The following PABPC4L variants were observed in gnomAD, a reference collection of about 807,000 sequenced individuals.
The protein encoded by PABPC4L is polyadenylate-binding protein 4-like.
For missense variants in PABPC4L, 452 were observed against 451.4 expected, an observed-to-expected ratio of 1.00 and a Z score of -0.01; for synonymous variants, 169 against 164.1, an observed-to-expected ratio of 1.03 and a Z score of -0.23.
chr4:133,985,949 G>A, the PABPC4L span, among the ~76,000 whole-genome samples: 1 of 152,036 alleles, frequency 6.6e-6, no homozygotes, highest in African/African-American at 2.4e-5. Flanking sequence ...GTCAAGCTCA[G>A]TAAAAATTAT....
At chr4:134,111,172 C>A in the PABPC4L span, among the ~76,000 whole-genome samples, 1 of 151,976 alleles carries the variant, frequency 6.6e-6, no homozygotes, top group Non-Finnish European at 1.5e-5. Context: ...AATACTGTGT[C>A]TTCACAAGGC....
chr4:133,981,807 A>C, the PABPC4L span, among the ~76,000 whole-genome samples: 1 of 152,148 alleles, frequency 6.6e-6, no homozygotes, highest in African/African-American at 2.4e-5. Flanking sequence ...GGAACTCTTT[A>C]TTAGTTTCAT....
chr4:134,012,913 C>T, the PABPC4L span, among the ~76,000 whole-genome samples: 6 of 152,122 alleles, frequency 3.9e-5, no homozygotes, highest in African/African-American at 7.2e-5. Context: ...AAAGGAGACA[C>T]GTTTTACCCG....
At chr4:134,052,886 C>T in the PABPC4L span, among the ~76,000 whole-genome samples, 1 of 151,970 alleles carries the variant, frequency 6.6e-6, no homozygotes, top group African/African-American at 2.4e-5. Flanking sequence ...TGTATTTTTG[C>T]TCACAAATTA....
At chr4:133,998,275 A>T in the PABPC4L span, among the ~76,000 whole-genome samples, 1 of 151,756 alleles carries the variant, frequency 6.6e-6, no homozygotes, top group African/African-American at 2.4e-5. Context: ...TTGTATTAGG[A>T]CCTGATTTAT....
chr4:134,104,679 C>A, the PABPC4L span, among the ~76,000 whole-genome samples: 1 of 151,658 alleles, frequency 6.6e-6, no homozygotes, highest in Admixed American at 6.6e-5. Flanking sequence ...TAAATATTTT[C>A]ACGTCCCTTT....
chr4:134,043,904 ATG>A, the PABPC4L span, among the ~76,000 whole-genome samples: 198 of 147,346 alleles, frequency 1.3e-3, 1 homozygote, highest in Middle Eastern at 3.5e-3. Context: ...CTGTATATAT[ATG>A]TGTGTGTGTG....
At chr4:133,993,736 A>T in the PABPC4L span, among the ~76,000 whole-genome samples, 1 of 152,108 alleles carries the variant, frequency 6.6e-6, no homozygotes, top group African/African-American at 2.4e-5. Flanking sequence ...GATGTGATTG[A>T]GTGGGTGGGT....
chr4:133,967,779 A>G, the PABPC4L span, among the ~76,000 whole-genome samples: 2 of 152,238 alleles, frequency 1.3e-5, no homozygotes, highest in Non-Finnish European at 2.9e-5. Context: ...GGCTATGTCA[A>G]AACATCACAG....
chr4:134,123,591 C>T, the PABPC4L span, among the ~76,000 whole-genome samples: 2 of 151,832 alleles, frequency 1.3e-5, no homozygotes, highest in African/African-American at 4.8e-5. Flanking sequence ...CATGAATAAT[C>T]AGAATAGACT....
the PABPC4L span, among the ~76,000 whole-genome samples, chr4:134,140,854 GAAATA>G: frequency 6.6e-6 from 1 of 151,550 alleles, no homozygotes; most frequent in Non-Finnish European, 1.5e-5. Flanking sequence ...TTGATTGTTG[GAAATA>G]AAATAAGTCC....
At chr4:134,192,882 GGA>G (rs965495427), downstream of PABPC4L, among the ~76,000 whole-genome samples, 1 of 152,030 alleles carries the variant, frequency 6.6e-6, no homozygotes, top group African/African-American at 2.4e-5. Context: ...CAAGTGCTTG[GGA>G]GAGAGTTGGA....
chr4:133,965,349 G>A, the PABPC4L span, among the ~76,000 whole-genome samples: 1 of 152,056 alleles, frequency 6.6e-6, no homozygotes, highest in Admixed American at 6.6e-5. Flanking sequence ...CACATCCCAT[G>A]TTCATGGATG....
chr4:134,113,249 C>G, the PABPC4L span, among the ~76,000 whole-genome samples: 1 of 151,932 alleles, frequency 6.6e-6, no homozygotes, highest in South Asian at 2.1e-4. Context: ...TTTATAAGGT[C>G]TATAATAGGG....
the PABPC4L span, among the ~76,000 whole-genome samples, chr4:134,055,799 TG>T: frequency 6.6e-6 from 1 of 151,970 alleles, no homozygotes; most frequent in African/African-American, 2.4e-5. Flanking sequence ...TAGAGTGTTT[TG>T]CAGAAAAAGA....
chr4:134,113,526 A>T, the PABPC4L span, among the ~76,000 whole-genome samples: 1 of 151,948 alleles, frequency 6.6e-6, no homozygotes, highest in African/African-American at 2.4e-5. Flanking sequence ...GATGTGTAGT[A>T]GGCTATACCA....
chr4:134,136,486 AT>A, the PABPC4L span, among the ~76,000 whole-genome samples: 47 of 151,914 alleles, frequency 3.1e-4, no homozygotes, highest in Admixed American at 1.8e-3. Flanking sequence ...ATTGCCAAAT[AT>A]TTTTTTTCTT....
At chr4:134,071,393 A>T in the PABPC4L span, among the ~76,000 whole-genome samples, 1 of 152,080 alleles carries the variant, frequency 6.6e-6, no homozygotes, top group South Asian at 2.1e-4. Context: ...GACATCTTGA[A>T]TCACTGAAAC....
the PABPC4L span, among the ~76,000 whole-genome samples, chr4:134,147,656 A>T: frequency 7.4e-4 from 113 of 152,170 alleles, 1 homozygote; most frequent in South Asian, 0.022. Flanking sequence ...TATACAGATG[A>T]CTACCACTGT....
Sources: allele counts gnomAD v4.1 joint callset (sites outside exome capture counted in the v4.1 genomes callset), GRCh38; gene constraint gnomAD v4.1.1; transcripts MANE v1.5; gene names NCBI Gene and HGNC (gene_info 2026-07-23, HGNC 2026-07-21).